Variants in SLX4IP observed in about 807,000 individuals in gnomAD.
The protein encoded by SLX4IP is SLX4 interacting protein, also known as protein SLX4IP.
Under a neutral mutation model 32.9 loss-of-function variants are expected in SLX4IP, and 34 were observed. That is an observed-to-expected ratio of 1.03 (90% CI 0.79 to 1.38). SLX4IP has a LOEUF of 1.38. Ranked by LOEUF, SLX4IP falls within the 40% of genes most tolerant of loss-of-function variation. The pLI is 0.00. For missense variants in SLX4IP, 444 were observed against 479.0 expected (o/e 0.93, Z 0.68); for synonymous variants, 172 against 171.7 (o/e 1.00, Z -0.01).
chr20:10,440,173 G>C (rs1247801563), intron 1 of SLX4IP, among the ~76,000 whole-genome samples: 2 of 147,364 alleles, frequency 1.4e-5, no homozygotes, highest in Admixed American at 1.4e-4. Flanking sequence ...AATTATTCCA[G>C]ACCCAGTACG....
intron 4 of SLX4IP, among the ~76,000 whole-genome samples, chr20:10,589,878 C>G (rs962633021): frequency 6.6e-6 from 1 of 151,512 alleles, no homozygotes; most frequent in Non-Finnish European, 1.5e-5. Context: ...CTCTTTACAC[C>G]TTTTTTTGTC....
At chr20:10,499,009 G>A (rs570301582) in intron 2 of SLX4IP, among the ~76,000 whole-genome samples, 1 of 152,116 alleles carries the variant, frequency 6.6e-6, no homozygotes, top group African/African-American at 2.4e-5. Flanking sequence ...ATATGCTTTG[G>A]ATGTTAAAAT....
chr20:10,590,852 GA>G (rs1370898755), intron 4 of SLX4IP, among the ~76,000 whole-genome samples: 1 of 152,128 alleles, frequency 6.6e-6, no homozygotes, highest in Non-Finnish European at 1.5e-5. Flanking sequence ...ACACAAAAAA[GA>G]AATTCAACTG....
At position 10,601,818 on chromosome 20, in the gene SLX4IP, TG is replaced by T. The variant is rs779527501; in HGVS notation, c.405+1del. 6.2e-7 allele frequency: 1 copy of T among 1,613,310 alleles called. No individual in the cohort carries two copies. The highest frequency in any genetic ancestry group is 1.1e-5 in the South Asian group (1 of 91,052). On this transcript the variant is annotated frameshift_variant and splice_region_variant, in exon 6 of 8. Coordinates refer to ENST00000334534, the MANE Select transcript of SLX4IP (RefSeq NM_001009608.3). LOFTEE classifies it high-confidence loss of function. Reference sequence around the variant, plus strand: ...CTTTTAGCAAGTCAGAATGAAGATTTGGTGAGTATGAAAAAATTCTATAAAC... The same window carrying T: ...CTTTTAGCAAGTCAGAATGAAGATTTGTGAGTATGAAAAAATTCTATAAAC... ...RDLLASQNED[L>X]TERVLHGVSD...
intron 2 of SLX4IP, among the ~76,000 whole-genome samples, chr20:10,517,339 T>C (rs1399451708): frequency 5.3e-5 from 8 of 152,188 alleles, no homozygotes; most frequent in African/African-American, 1.9e-4. Context: ...AGGGACCAGA[T>C]TGAAGACAAA....
In SLX4IP at chr20:10,602,576, G is replaced by A. The variant is rs147641971; in HGVS notation, c.405+757G>A. Among the ~76,000 whole-genome samples the A allele has an allele frequency of 3.5e-3, 532 of 152,114 alleles. 12 individuals carry two copies. Among genetic ancestry groups the A allele is most frequent in the Admixed American group, 0.03 (461 of 15,266 alleles). ...CAGACTTTTTTTCATATTTTTGGAC[G>A]TATGACTTGAATCTTTAAGAAACAG... On this transcript the variant is annotated intron_variant, in intron 6 of 7. Transcript: ENST00000334534.
At chr20:10,530,412 TG>T (rs2065978630) in intron 2 of SLX4IP, among the ~76,000 whole-genome samples, 2 of 152,222 alleles carry the variant, frequency 1.3e-5, no homozygotes, top group South Asian at 4.1e-4. Flanking sequence ...CTGAAGCTAC[TG>T]CCATGACGTT....
At position 10,623,296 on chromosome 20, in the gene SLX4IP, G is replaced by T. The variant is rs779897146; in HGVS notation, c.1144G>T (p.Gly382Cys). The stretch of plus-strand genomic sequence containing the variant: ...TAACCCAGGGCAGGCACAGCAAACC[G>T]GCTTAGCCACAAACACTGAAAGATT... The part of the protein sequence containing the change: ...KNNPGQAQQT[G>C]LATNTERLST... Residue 382 changes from glycine (G) to cysteine (C), a missense_variant, in exon 8 of 8, where the codon GGC becomes TGC. By Grantham distance (159) the Gly-to-Cys change is radical. Transcript: ENST00000334534. 3 of 1,614,086 alleles carry T rather than the reference G, an allele frequency of 1.9e-6. No individual in the cohort carries two copies. In the Admixed American group the frequency reaches 5.0e-5, roughly 27 times the overall value.
At chr20:10,511,583 A>G (rs2065808139) in intron 2 of SLX4IP, among the ~76,000 whole-genome samples, 1 of 152,274 alleles carries the variant, frequency 6.6e-6, no homozygotes, top group Non-Finnish European at 1.5e-5. Context: ...GACTAATTTA[A>G]GAAAAGCAGT....
At chr20:10,543,207 T>A (rs535540229) in intron 2 of SLX4IP, among the ~76,000 whole-genome samples, 3 of 152,326 alleles carry the variant, frequency 2.0e-5, no homozygotes, top group Admixed American at 6.5e-5. Context: ...ATAGATTGGA[T>A]GTGTAATATG....
At chr20:10,613,985 G>T in intron 6 of SLX4IP, 2 of 1,210,170 alleles carry the variant, frequency 1.7e-6, no homozygotes, top group Non-Finnish European at 2.5e-6. Flanking sequence ...CCTGCTCATC[G>T]TACACTGCTC....
At chr20:10,609,854 T>C (rs1247525424) in intron 6 of SLX4IP, among the ~76,000 whole-genome samples, 4 of 152,118 alleles carry the variant, frequency 2.6e-5, no homozygotes, top group Non-Finnish European at 5.9e-5. Flanking sequence ...CCTAGTATGT[T>C]TTCTCTATTT....
chr20:10,615,110 T>C lies in SLX4IP; in HGVS notation c.406-6204T>C, dbSNP rs926569957. On this transcript the variant is annotated intron_variant, in intron 6 of 7. Coordinates refer to ENST00000334534, the MANE Select transcript of SLX4IP (RefSeq NM_001009608.3). ...TCTGTAGAAAATTTCAATTTGCTCG[T>C]ACAGTTCACATTCTGTTTCTCCTGG... Among the ~76,000 whole-genome samples, 3 of 152,196 alleles carry C rather than the reference T, an allele frequency of 2.0e-5. No homozygotes were observed. The East Asian group carries it at 5.8e-4, about 29-fold the overall frequency.
At chr20:10,598,640 A>G (rs1352328475) in intron 4 of SLX4IP, 35 bp from the exon 5 acceptor site, 1 of 1,599,560 alleles carries the variant, frequency 6.3e-7, no homozygotes, top group Admixed American at 1.7e-5. Context: ...GCGGCAAACA[A>G]ACTTAACTTA....
intron 1 of SLX4IP, among the ~76,000 whole-genome samples, chr20:10,448,835 T>A (rs1357990690): frequency 6.6e-6 from 1 of 152,122 alleles, no homozygotes. Context: ...TGAACATTAA[T>A]AAAGATTCAG....
Position 10,449,650 on chromosome 20 carries a change from A to G in SLX4IP, c.-29-8526A>G, listed in dbSNP as rs543550014. Among the ~76,000 whole-genome samples, 4 of 152,334 alleles carry G rather than the reference A, an allele frequency of 2.6e-5. No individual in the cohort carries two copies. In the South Asian group the frequency reaches 8.3e-4, roughly 32 times the overall value. On this transcript the variant is annotated intron_variant, in intron 1 of 7. Coordinates refer to ENST00000334534, the MANE Select transcript of SLX4IP (RefSeq NM_001009608.3). ...GTAGAGGGTCTGTAAGATCTATTTTAGCCCTAAAATTGTGACTTTTTGAAT... is the reference window on the plus strand; with the variant it reads ...GTAGAGGGTCTGTAAGATCTATTTTGGCCCTAAAATTGTGACTTTTTGAAT...
chr20:10,482,128 GC>G (rs1420583904), intron 2 of SLX4IP, among the ~76,000 whole-genome samples: 3 of 152,228 alleles, frequency 2.0e-5, no homozygotes, highest in Non-Finnish European at 4.4e-5. Flanking sequence ...ATCAGTGGGG[GC>G]CACTTAGAAG....
chr20:10,452,743 T>C (rs2183711), intron 1 of SLX4IP, among the ~76,000 whole-genome samples: 72,490 of 148,176 alleles, frequency 0.49, 19,267 homozygotes, highest in Non-Finnish European at 0.6. Flanking sequence ...CTGAGCTACT[T>C]AGGAGGCTGA....
At chr20:10,487,494 G>T (rs1166085233) in intron 2 of SLX4IP, among the ~76,000 whole-genome samples, 1 of 152,154 alleles carries the variant, frequency 6.6e-6, no homozygotes, top group African/African-American at 2.4e-5. Flanking sequence ...AGTGATGATT[G>T]AACTGTTCTA....
Sources: gnomAD v4.1 joint callset for allele counts (sites outside exome capture counted in the v4.1 genomes callset) on GRCh38, gnomAD v4.1.1 for gene constraint, MANE v1.5 for transcripts, NCBI Gene and HGNC (gene_info 2026-07-23, HGNC 2026-07-21) for gene names.